The following LPP variants were observed in gnomAD, a reference collection of about 807,000 sequenced individuals.
The protein encoded by LPP is LIM domain containing preferred translocation partner in lipoma.
Under a neutral mutation model 60.4 loss-of-function variants are expected in LPP, and 38 were observed. That is an observed-to-expected ratio of 0.63 (90% confidence interval 0.49 to 0.83). The LOEUF (loss-of-function observed/expected upper bound fraction) is 0.83. Among genes scored for constraint, LPP ranks in the 40% least tolerant of loss-of-function variants. The probability of loss-of-function intolerance (pLI) is 0.00; values close to 1 mark genes in which losing one functional copy is unlikely to be tolerated. For missense variants in LPP, 902 were observed against 783.6 expected (o/e 1.15, Z -1.80); for synonymous variants, 328 against 290.8 (o/e 1.13, Z -1.30).
chr3:188,367,790 G>A (rs1389825972), intron 3 of LPP, among the ~76,000 whole-genome samples: 2 of 152,188 alleles, frequency 1.3e-5, no homozygotes, highest in Non-Finnish European at 2.9e-5. Flanking sequence ...AAGTCGAACA[G>A]GCAAAAGCAA....
chr3:188,682,430 G>T (rs1486595931), intron 7 of LPP, among the ~76,000 whole-genome samples: 1 of 152,176 alleles, frequency 6.6e-6, no homozygotes, highest in East Asian at 1.9e-4. Context: ...CTCTCACCTT[G>T]TACTTTTCCA....
intron 4 of LPP, among the ~76,000 whole-genome samples, chr3:188,414,415 A>G (rs1455805740): frequency 1.3e-5 from 2 of 152,116 alleles, no homozygotes; most frequent in African/African-American, 4.8e-5. Context: ...CAAAAATCCA[A>G]AAAATCTGAA....
chr3:188,597,813 T>C (rs957851777), intron 6 of LPP, among the ~76,000 whole-genome samples: 1 of 152,130 alleles, frequency 6.6e-6, no homozygotes, highest in African/African-American at 2.4e-5. Context: ...AATATGTTAT[T>C]GAAAAAACTA....
intron 5 of LPP, among the ~76,000 whole-genome samples, chr3:188,492,743 G>A (rs1307907876): frequency 1.3e-5 from 2 of 152,104 alleles, no homozygotes; most frequent in Admixed American, 6.6e-5. Context: ...ATCAAACGAT[G>A]TAGATTAGAT....
chr3:188,291,964 G>A (rs1746144866), intron 2 of LPP, among the ~76,000 whole-genome samples: 1 of 152,144 alleles, frequency 6.6e-6, no homozygotes, highest in Non-Finnish European at 1.5e-5. Context: ...ATTATATAGA[G>A]TTGTAATATA....
intron 2 of LPP, among the ~76,000 whole-genome samples, chr3:188,300,525 A>G (rs1355745048): frequency 1.4e-5 from 2 of 142,000 alleles, no homozygotes; most frequent in South Asian, 2.2e-4. Context: ...ATTAATATGT[A>G]TTGAATTGGA....
At chr3:188,691,838 T>G (rs960614934) in intron 7 of LPP, among the ~76,000 whole-genome samples, 4 of 152,218 alleles carry the variant, frequency 2.6e-5, no homozygotes, top group African/African-American at 9.6e-5. Flanking sequence ...GTAGAGCACA[T>G]TAAGTTCTTT....
At chr3:188,688,959 G>A (rs1048796460) in intron 7 of LPP, 6 of 489,674 alleles carry the variant, frequency 1.2e-5, no homozygotes, top group Admixed American at 2.7e-5. Flanking sequence ...TCTGTTAACT[G>A]CTCTGAAAAT....
intron 1 of LPP, among the ~76,000 whole-genome samples, chr3:188,194,441 C>A (rs1378871881): frequency 6.6e-6 from 1 of 152,126 alleles, no homozygotes; most frequent in Non-Finnish European, 1.5e-5. Flanking sequence ...GGCAACTGAG[C>A]CTCAACCATA....
rs1831260441 is a variant in LPP at position 188,563,473 on chromosome 3, T to TGTGTGTGTGTGTGTGC, written c.429+38699_429+38700insTGCGTGTGTGTGTGTG. On this transcript the variant is annotated intron_variant, in intron 6 of 11. Transcript: ENST00000617246. ...ATTTACATATATATGTGTGTGTGTG[T>TGTGTGTGTGTGTGTGC]GTGTGTGTGTGTGGTATATTATCTA... Among the ~76,000 whole-genome samples, 3 of 112,844 alleles carry TGTGTGTGTGTGTGTGC rather than the reference T, an allele frequency of 2.7e-5. No homozygotes were observed. The Admixed American group carries it at 2.9e-4, about 11-fold the overall frequency. The allele number at this position is 112,844 out of a possible 152,430, so 74.0% of individuals were successfully genotyped here. A position where few individuals can be genotyped will look rare whatever the true frequency, so the allele number is the denominator to read the frequency against.
chr3:188,422,601 A>G lies in LPP; in HGVS notation c.193+16288A>G, dbSNP rs549188876. On this transcript the variant is annotated intron_variant, in intron 4 of 11. Coordinates refer to ENST00000617246, the MANE Select transcript of LPP (RefSeq NM_001375462.1). ...GACTAGGGAGTTTTCTGGTTTTTAC[A>G]AAAAGAATAGAAAAAGAAAAAGAAC... Among the ~76,000 whole-genome samples, 7 of 152,310 alleles carry G rather than the reference A, an allele frequency of 4.6e-5. 1 individual carries two copies. The South Asian group carries it at 1.2e-3, about 27-fold the overall frequency.
chr3:188,359,463 C>G (rs1408087466), intron 3 of LPP, among the ~76,000 whole-genome samples: 1 of 152,186 alleles, frequency 6.6e-6, no homozygotes, highest in Non-Finnish European at 1.5e-5. Context: ...CGGCACCTGA[C>G]CTATTAGCTG....
chr3:188,765,861 CTTTTTTTTT>C (rs71169019), intron 9 of LPP, among the ~76,000 whole-genome samples: 5 of 92,616 alleles, frequency 5.4e-5, no homozygotes, highest in African/African-American at 8.7e-5. Flanking sequence ...ATGTTCAACT[CTTTTTTTTT>C]TTTTTTTTTT....
chr3:188,538,474 G>A (rs1824244029), intron 6 of LPP, among the ~76,000 whole-genome samples: 1 of 152,146 alleles, frequency 6.6e-6, no homozygotes, highest in South Asian at 2.1e-4. Flanking sequence ...GGAAATGCAA[G>A]TCAAACCACA....
chr3:188,685,035 G>T (rs764834321), intron 7 of LPP, among the ~76,000 whole-genome samples: 15 of 152,166 alleles, frequency 9.9e-5, no homozygotes, highest in Non-Finnish European at 1.9e-4. Flanking sequence ...CCATGTCATT[G>T]TTAAAACAAC....
chr3:188,630,917 A>G lies in LPP; in HGVS notation c.1113+21073A>G, dbSNP rs78389361. 5.2e-3 allele frequency among the ~76,000 whole-genome samples: 797 copies of G among 152,330 alleles called. 2 individuals carry two copies. The highest frequency in any genetic ancestry group is 0.01 in the Middle Eastern group (3 of 294). On this transcript the variant is annotated intron_variant, in intron 7 of 11. Coordinates refer to ENST00000617246, the MANE Select transcript of LPP (RefSeq NM_001375462.1). ...AGGCCATTATTCTTAGCAAACTAAC[A>G]TGAACGGAAAACCAAATACCACATG...
At chr3:188,452,325 T>C (rs1363038064) in intron 4 of LPP, among the ~76,000 whole-genome samples, 1 of 152,114 alleles carries the variant, frequency 6.6e-6, no homozygotes, top group Non-Finnish European at 1.5e-5. Context: ...CTTTAAAAAC[T>C]GATAGCGTGT....
intron 7 of LPP, among the ~76,000 whole-genome samples, chr3:188,646,058 T>G (rs1249992173): frequency 6.6e-6 from 1 of 152,194 alleles, no homozygotes; most frequent in Non-Finnish European, 1.5e-5. Flanking sequence ...GATTTTGACA[T>G]TGTTATATGT....
intron 1 of LPP, among the ~76,000 whole-genome samples, chr3:188,166,486 C>A (rs1165147065): frequency 6.6e-6 from 1 of 152,260 alleles, no homozygotes; most frequent in East Asian, 1.9e-4. Context: ...CTTGCTGTTG[C>A]CATTTCTTAT....
Sources: gnomAD v4.1 joint callset for allele counts (sites outside exome capture counted in the v4.1 genomes callset) on GRCh38, gnomAD v4.1.1 for gene constraint, MANE v1.5 for transcripts, NCBI Gene and HGNC (gene_info 2026-07-23, HGNC 2026-07-21) for gene names.